The following NRXN3 variants were observed in gnomAD, a reference collection of about 807,000 sequenced individuals.
NRXN3 encodes neurexin III.
Under a neutral mutation model 137.6 loss-of-function variants are expected in NRXN3, and 32 were observed. That is an observed-to-expected ratio of 0.23 (90% CI 0.18 to 0.31). The LOEUF is 0.31. Ranked by LOEUF, NRXN3 falls within the 10% of genes least tolerant of loss-of-function variation. NRXN3 has a pLI of 1.00. For missense variants in NRXN3, 1,574 were observed against 2,062.5 expected (o/e 0.76, Z 4.59); for synonymous variants, 798 against 784.5 (o/e 1.02, Z -0.29).
intron 4 of NRXN3, among the ~76,000 whole-genome samples, chr14:78,353,143 G>C (rs1456412789): frequency 6.6e-6 from 1 of 152,190 alleles, no homozygotes; most frequent in African/African-American, 2.4e-5. Flanking sequence ...CCGGACTGGA[G>C]AGAGGCTGAG....
chr14:79,216,789 T>C (rs2068578259), intron 15 of NRXN3, among the ~76,000 whole-genome samples: 1 of 152,200 alleles, frequency 6.6e-6, no homozygotes, highest in African/African-American at 2.4e-5. Flanking sequence ...GACATTGTGT[T>C]ATTCCATTTT....
intron 16 of NRXN3, among the ~76,000 whole-genome samples, chr14:79,580,429 GA>G (rs1179300561): frequency 7.1e-6 from 1 of 141,776 alleles, no homozygotes; most frequent in Non-Finnish European, 1.5e-5. Context: ...TAGCACAAAA[GA>G]TTATGTTTTT....
chr14:79,687,389 T>G (rs2154021711), intron 17 of NRXN3, among the ~76,000 whole-genome samples: 1 of 152,288 alleles, frequency 6.6e-6, no homozygotes, highest in South Asian at 2.1e-4. Context: ...TCTCTGAAAC[T>G]TAACTTAGAA....
At chr14:79,852,029 C>A (rs2099392495) in intron 20 of NRXN3, among the ~76,000 whole-genome samples, 2 of 151,930 alleles carry the variant, frequency 1.3e-5, no homozygotes, top group Admixed American at 6.6e-5. Context: ...TATTAACATT[C>A]TACTGTCATC....
At chr14:79,392,218 C>T (rs918220209) in intron 15 of NRXN3, among the ~76,000 whole-genome samples, 1 of 152,152 alleles carries the variant, frequency 6.6e-6, no homozygotes, top group African/African-American at 2.4e-5. Flanking sequence ...TTGTTCAACT[C>T]CCACTTATGA....
At chr14:79,270,805 C>G (rs529407515) in intron 15 of NRXN3, among the ~76,000 whole-genome samples, 3 of 152,322 alleles carry the variant, frequency 2.0e-5, no homozygotes, top group Admixed American at 6.5e-5. Flanking sequence ...TAAGAAAAAT[C>G]TGTTTCTTCT....
intron 16 of NRXN3, among the ~76,000 whole-genome samples, chr14:79,533,224 T>G (rs1030276021): frequency 6.6e-6 from 1 of 152,200 alleles, no homozygotes; most frequent in Non-Finnish European, 1.5e-5. Context: ...AGGAGCTTTC[T>G]CATGATGCAT....
At chr14:78,766,584 A>C (rs1039444345) in intron 8 of NRXN3, among the ~76,000 whole-genome samples, 2 of 152,178 alleles carry the variant, frequency 1.3e-5, no homozygotes, top group African/African-American at 4.8e-5. Flanking sequence ...CAACTTCTTG[A>C]ACTCCCATAT....
chr14:78,703,463 A>G (rs2098311239), intron 6 of NRXN3, among the ~76,000 whole-genome samples: 1 of 152,250 alleles, frequency 6.6e-6, no homozygotes, highest in South Asian at 2.1e-4. Context: ...AGATTAGCCC[A>G]GAAGTTTTAT....
intron 2 of NRXN3, among the ~76,000 whole-genome samples, chr14:78,261,633 T>C (rs545871687): frequency 1.3e-5 from 2 of 152,234 alleles, no homozygotes; most frequent in Non-Finnish European, 2.9e-5. Context: ...ATTATTTCAA[T>C]TTATATATTT....
intron 10 of NRXN3, among the ~76,000 whole-genome samples, chr14:78,875,565 C>T (rs1050531688): frequency 6.6e-6 from 1 of 152,094 alleles, no homozygotes; most frequent in African/African-American, 2.4e-5. Context: ...GGAATTTATA[C>T]TAAAGGATTT....
intron 16 of NRXN3, among the ~76,000 whole-genome samples, chr14:79,533,944 A>G (rs1315481994): frequency 6.6e-6 from 1 of 152,232 alleles, no homozygotes; most frequent in Non-Finnish European, 1.5e-5. Flanking sequence ...ACTTGTAGCA[A>G]TTAAGATCTA....
intron 15 of NRXN3, among the ~76,000 whole-genome samples, chr14:78,992,685 A>G (rs925233): frequency 7.9e-5 from 12 of 152,172 alleles, no homozygotes; most frequent in Admixed American, 6.5e-4. Flanking sequence ...TGTCATTTTT[A>G]TGGACTTTGT....
intron 19 of NRXN3, among the ~76,000 whole-genome samples, chr14:79,804,793 C>T (rs10149117): frequency 0.11 from 16,019 of 152,086 alleles, 1,153 homozygotes; most frequent in African/African-American, 0.19. Context: ...CTTCTGATTC[C>T]TAAAACTCAA....
intron 8 of NRXN3, among the ~76,000 whole-genome samples, chr14:78,761,303 T>C (rs1432914895): frequency 6.6e-6 from 1 of 152,192 alleles, no homozygotes; most frequent in Admixed American, 6.5e-5. Context: ...TGACTGGTAA[T>C]ATCAGCTGTT....
intron 16 of NRXN3, among the ~76,000 whole-genome samples, chr14:79,527,570 T>A (rs1207133595): frequency 2.0e-5 from 3 of 151,630 alleles, no homozygotes; most frequent in Non-Finnish European, 4.4e-5. Context: ...GCTTATCATG[T>A]TAGAAAGAAT....
intron 15 of NRXN3, among the ~76,000 whole-genome samples, chr14:79,066,810 G>C (rs2370898): frequency 0.33 from 50,093 of 151,890 alleles, 8,763 homozygotes; most frequent in Admixed American, 0.47. Context: ...TTTGCACATT[G>C]ATTTTATATT....
intron 15 of NRXN3, among the ~76,000 whole-genome samples, chr14:79,423,574 G>T (rs2095612856): frequency 6.6e-6 from 1 of 152,192 alleles, no homozygotes; most frequent in African/African-American, 2.4e-5. Flanking sequence ...TGCAGGAGGA[G>T]AACTGCTTTA....
Position 78,258,893 on chromosome 14 carries a change from G to A in NRXN3, c.709+15091G>A, listed in dbSNP as rs564129714. On this transcript the variant is annotated intron_variant, in intron 2 of 20. Transcript: ENST00000335750. ...CACACCTGTAATCCCAGCACTTTGG[G>A]AGGCTGAGGTGGGCAAATCACAAGG... 1.1e-4 allele frequency among the ~76,000 whole-genome samples: 17 copies of A among 152,290 alleles called. No homozygotes were observed. In the South Asian group the frequency reaches 2.7e-3, roughly 24 times the overall value.
Sources: gnomAD v4.1 joint callset for allele counts (sites outside exome capture counted in the v4.1 genomes callset) on GRCh38, gnomAD v4.1.1 for gene constraint, MANE v1.5 for transcripts, NCBI Gene and HGNC (gene_info 2026-07-23, HGNC 2026-07-21) for gene names.